The following PAK2 variants were observed in gnomAD, a reference collection of about 807,000 sequenced individuals.
The protein encoded by PAK2 is p21 (RAC1) activated kinase 2, also known as serine/threonine-protein kinase PAK 2.
PAK2 carries 21 observed loss-of-function variants against 65.9 expected under a neutral mutation model. The ratio of observed to expected loss-of-function variants is 0.32; its 90% CI spans 0.23 to 0.46. PAK2 has a LOEUF of 0.46. PAK2 is among the 20% of genes least tolerant of loss of function. The probability of loss-of-function intolerance (pLI) is 1.00; values close to 1 mark genes in which losing one functional copy is unlikely to be tolerated. For missense variants in PAK2, 324 were observed against 642.6 expected, an observed-to-expected ratio of 0.50 and a Z score of 5.36; for synonymous variants, 204 against 219.7, an observed-to-expected ratio of 0.93 and a Z score of 0.63.
At position 196,787,557 on chromosome 3, in the gene PAK2, C is replaced by T. The variant is rs140721201; in HGVS notation, c.187+4724C>T. Among the ~76,000 whole-genome samples, 391 of 141,496 alleles carry T rather than the reference C, an allele frequency of 2.8e-3. 6 individuals are homozygous for T. Among genetic ancestry groups the T allele is most frequent in the African/African-American group, 9.9e-3 (371 of 37,576 alleles). 92.8% of individuals were successfully genotyped at this position (141,496 alleles called of 152,430 possible). A position where few individuals can be genotyped will look rare whatever the true frequency, so the allele number is the denominator to read the frequency against. On this transcript the variant is annotated intron_variant, in intron 2 of 14. Transcript: ENST00000327134. ...TTGCGCCACTGCACTCCAGCCTGGG[C>T]GACAGAGCGAGACTCCGTCTCAGAA... is the stretch of plus-strand genomic sequence containing the variant.
intron 2 of PAK2, among the ~76,000 whole-genome samples, chr3:196,793,993 C>T (rs551312245): frequency 5.9e-5 from 9 of 151,792 alleles, no homozygotes; most frequent in African/African-American, 1.4e-4. Flanking sequence ...TAGCTGGGCT[C>T]GGTGGCGTAC....
intron 1 of PAK2, among the ~76,000 whole-genome samples, chr3:196,761,536 A>C (rs1713964096): frequency 9.3e-6 from 1 of 107,060 alleles, no homozygotes; most frequent in Non-Finnish European, 1.9e-5. Flanking sequence ...AACAAAATGA[A>C]AAGTCTCCCA....
At chr3:196,761,850 CCCTCCCGGACGGGGTGGCTG>C (rs1048738451) in intron 1 of PAK2, among the ~76,000 whole-genome samples, 1 of 149,750 alleles carries the variant, frequency 6.7e-6, no homozygotes, top group African/African-American at 2.4e-5. Flanking sequence ...CCCCCCACCT[CCCTCCCGGACGGGGTGGCTG>C]CCGGACGGAG....
rs1332826540 is a variant in PAK2 at position 196,791,926 on chromosome 3, A to AAC, written c.187+9094_187+9095insCA. ...GGCGACAGAGCGAGACTCCGTCAAAAAAAAAAAAAAAGAAATAGAATTCCT... is the reference window on the plus strand; with the variant it reads ...GGCGACAGAGCGAGACTCCGTCAAAAACAAAAAAAAAAAGAAATAGAATTCCT... On this transcript the variant is annotated intron_variant, in intron 2 of 14. Coordinates refer to ENST00000327134, the MANE Select transcript of PAK2 (RefSeq NM_002577.4). The surrounding 1 kb of genome is among the most constrained non-coding windows in gnomAD (Gnocchi z 4.0). 6.6e-6 allele frequency among the ~76,000 whole-genome samples: 1 copy of AAC among 151,440 alleles called. No homozygotes were observed. The highest frequency in any genetic ancestry group is 1.5e-5 in the Non-Finnish European group (1 of 67,792).
chr3:196,776,920 G>T (rs1344918355), intron 1 of PAK2, among the ~76,000 whole-genome samples: 1 of 152,174 alleles, frequency 6.6e-6, no homozygotes, highest in Non-Finnish European at 1.5e-5. Context: ...CTGTTAAAAT[G>T]CTCCTCCGTT....
At chr3:196,797,927 A>G (rs1011528699) in intron 2 of PAK2, among the ~76,000 whole-genome samples, 1 of 152,226 alleles carries the variant, frequency 6.6e-6, no homozygotes, top group African/African-American at 2.4e-5. Context: ...TGAAAATTCA[A>G]AACATCAATA....
chr3:196,828,541 T>C lies in PAK2; in HGVS notation c.*136T>C. On this transcript the variant is annotated 3_prime_UTR_variant, in exon 15 of 15. Coordinates refer to ENST00000327134, the MANE Select transcript of PAK2 (RefSeq NM_002577.4). ...ATGAAAGAAGCAAATGACTATTCTCTGAAGACAACCAAGAGAAAATTGCAA... is the reference window on the plus strand; with the variant it reads ...ATGAAAGAAGCAAATGACTATTCTCCGAAGACAACCAAGAGAAAATTGCAA... 1.5e-6 allele frequency: 1 copy of C among 660,356 alleles called. No individual in the cohort carries two copies. The highest frequency in any genetic ancestry group is 2.7e-6 in the Non-Finnish European group (1 of 372,100). 40.9% of individuals were successfully genotyped at this position (660,356 alleles called of 1,614,324 possible).
chr3:196,804,828 C>CATAT (rs113952444), intron 4 of PAK2, among the ~76,000 whole-genome samples: 1 of 147,562 alleles, frequency 6.8e-6, no homozygotes, highest in Non-Finnish European at 1.5e-5. Flanking sequence ...TATATATACA[C>CATAT]ATATATATAT....
chr3:196,816,601 T>C (rs1184387590), intron 11 of PAK2, among the ~76,000 whole-genome samples: 1 of 152,236 alleles, frequency 6.6e-6, no homozygotes, highest in Non-Finnish European at 1.5e-5. Context: ...GAGCTTTGAA[T>C]CTGATGATTG....
At chr3:196,818,268 A>G (rs1392428073) in intron 12 of PAK2, 112 bp downstream of exon 12, 2 of 554,404 alleles carry the variant, frequency 3.6e-6, no homozygotes, top group Admixed American at 3.1e-5. Context: ...ATATAGGAAG[A>G]GGTGAGACCT....
intron 1 of PAK2, among the ~76,000 whole-genome samples, chr3:196,772,282 C>T (rs897578866): frequency 6.6e-6 from 1 of 151,968 alleles, no homozygotes; most frequent in African/African-American, 2.4e-5. Flanking sequence ...ACTACCTGTC[C>T]CCTGTGGCAG....
chr3:196,779,734 AT>A (rs1216530335), intron 1 of PAK2, among the ~76,000 whole-genome samples: 2 of 152,166 alleles, frequency 1.3e-5, no homozygotes, highest in African/African-American at 4.8e-5. Context: ...GTACAATGGC[AT>A]GATCTCAGCT....
intron 10 of PAK2, among the ~76,000 whole-genome samples, chr3:196,813,190 C>T (rs1461369645): frequency 6.6e-6 from 1 of 152,018 alleles, no homozygotes; most frequent in Non-Finnish European, 1.5e-5. Context: ...ACTTGTGGAT[C>T]AATTTTTATT....
chr3:196,814,027 G>A (rs1254973240), intron 10 of PAK2, among the ~76,000 whole-genome samples: 1 of 152,158 alleles, frequency 6.6e-6, no homozygotes, highest in Non-Finnish European at 1.5e-5. Context: ...GCATAGTGTG[G>A]TGGTTAAGAT....
chr3:196,770,406 A>C (rs1252392122), intron 1 of PAK2, among the ~76,000 whole-genome samples: 1 of 151,892 alleles, frequency 6.6e-6, no homozygotes, highest in Non-Finnish European at 1.5e-5. Context: ...GTCTCAGCAC[A>C]GCTACTTGGG....
chr3:196,795,292 CAAAAAAAA>C (rs55963334), intron 2 of PAK2, among the ~76,000 whole-genome samples: 2 of 136,116 alleles, frequency 1.5e-5, no homozygotes, highest in South Asian at 2.4e-4. Flanking sequence ...CCCATCTCTA[CAAAAAAAA>C]AAAAAGAAAA....
At chr3:196,779,640 C>G (rs1325315850) in intron 1 of PAK2, among the ~76,000 whole-genome samples, 1 of 152,110 alleles carries the variant, frequency 6.6e-6, no homozygotes, top group East Asian at 1.9e-4. Flanking sequence ...TAGCACTTTA[C>G]ACTAATTATT....
intron 1 of PAK2, among the ~76,000 whole-genome samples, chr3:196,762,291 G>T (rs1714004091): frequency 7.7e-6 from 1 of 130,046 alleles, no homozygotes; most frequent in African/African-American, 2.8e-5. Context: ...TTCCCAGACG[G>T]GGTGGCGGCC....
chr3:196,782,671 G>A lies in PAK2; in HGVS notation c.25G>A (p.Asp9Asn), dbSNP rs775598253. MSDNGELEDKPPAPPVRMS... is the reference protein window; with the variant it reads MSDNGELENKPPAPPVRMS... ...CATGTCTGATAACGGAGAACTGGAA[G>A]ATAAGCCTCCAGCACCTCCTGTGCG... Residue 9 changes from aspartate (D) to asparagine (N), a missense_variant, in exon 2 of 15, where the codon GAT becomes AAT. By Grantham distance (23) the Asp-to-Asn change is conservative (BLOSUM62 1). This residue lies in a region of PAK2 where 42 missense variants were observed against 67.4 expected (regional missense o/e 0.62). Coordinates refer to ENST00000327134, the MANE Select transcript of PAK2 (RefSeq NM_002577.4). 5 of 1,601,534 alleles carry A rather than the reference G, an allele frequency of 3.1e-6. No homozygotes were observed. In the South Asian group the frequency reaches 5.6e-5, roughly 18 times the overall value.
Sources: allele counts gnomAD v4.1 joint callset (sites outside exome capture counted in the v4.1 genomes callset), GRCh38; gene constraint gnomAD v4.1.1; regional missense constraint gnomAD v4.1.1; non-coding constraint Gnocchi (gnomAD v3.1); transcripts MANE v1.5; gene names NCBI Gene and HGNC (gene_info 2026-07-23, HGNC 2026-07-21).